Variants in CTNNA2 observed in about 807,000 individuals in gnomAD.
The protein encoded by CTNNA2 is catenin alpha-2.
In CTNNA2, 42 loss-of-function variants were observed where a neutral mutation model predicts 101.0. The observed-to-expected ratio is 0.42, with a 90% confidence interval of 0.32 to 0.54. CTNNA2 has a LOEUF of 0.54. Among genes scored for constraint, CTNNA2 ranks in the 20% least tolerant of loss-of-function variants. The probability of loss-of-function intolerance (pLI) is 0.14; values close to 1 mark genes in which losing one functional copy is unlikely to be tolerated. For synonymous variants in CTNNA2, 450 were observed against 456.4 expected, an observed-to-expected ratio of 0.99 and a Z score of 0.18; for missense variants, 871 against 1,223.1, an observed-to-expected ratio of 0.71 and a Z score of 4.29.
intron 7 of CTNNA2, among the ~76,000 whole-genome samples, chr2:80,118,548 G>A (rs971494447): frequency 6.6e-6 from 1 of 152,120 alleles, no homozygotes; most frequent in Admixed American, 6.5e-5. Flanking sequence ...GGTTTCTTTT[G>A]GTAAAATGCA....
At chr2:80,122,956 T>C (rs963430632) in intron 7 of CTNNA2, among the ~76,000 whole-genome samples, 3 of 152,132 alleles carry the variant, frequency 2.0e-5, no homozygotes, top group Non-Finnish European at 2.9e-5. Flanking sequence ...GCACTACGCC[T>C]ACAAAAACCA....
intron 15 of CTNNA2, among the ~76,000 whole-genome samples, chr2:80,600,667 A>T (rs757777892): frequency 6.6e-6 from 1 of 152,320 alleles, no homozygotes; most frequent in Middle Eastern, 3.4e-3. Context: ...AGAAAAAGTA[A>T]ATACATTTTA....
Position 79,458,780 on chromosome 2 carries a change from T to C in CTNNA2, c.-134-46274T>C, listed in dbSNP as rs150569844. 5.3e-4 allele frequency among the ~76,000 whole-genome samples: 81 copies of C among 152,272 alleles called. 1 individual carries two copies. Among genetic ancestry groups the C allele is most frequent in the African/African-American group, 1.8e-3 (74 of 41,584 alleles). On this transcript the variant is annotated intron_variant, in intron 4 of 21. Transcript: ENST00000466387. ...TCACACCATGCAACAAATATAAAAA[T>C]GTTTAGGCTCTCATCCTGCTGAACC...
chr2:79,974,140 C>A (rs1254449896), intron 7 of CTNNA2, among the ~76,000 whole-genome samples: 2 of 151,958 alleles, frequency 1.3e-5, no homozygotes, highest in African/African-American at 4.8e-5. Flanking sequence ...TGAAAACTTT[C>A]GCAGGTGTAT....
intron 3 of CTNNA2, among the ~76,000 whole-genome samples, chr2:79,769,423 A>C (rs537457024): frequency 6.6e-6 from 1 of 152,120 alleles, no homozygotes; most frequent in East Asian, 1.9e-4. Context: ...TTGAAGTGAA[A>C]CCCTCCATAA....
chr2:80,371,269 A>G (rs557405400), intron 7 of CTNNA2, among the ~76,000 whole-genome samples: 1 of 152,306 alleles, frequency 6.6e-6, no homozygotes, highest in East Asian at 1.9e-4. Context: ...TGGCTGTCAC[A>G]TGATAGGCAC....
intron 1 of CTNNA2, among the ~76,000 whole-genome samples, chr2:79,615,534 A>T (rs1678559879): frequency 1.3e-5 from 2 of 152,218 alleles, no homozygotes; most frequent in Admixed American, 1.3e-4. Flanking sequence ...CTTTTAAATT[A>T]TACATGGTTG....
intron 7 of CTNNA2, among the ~76,000 whole-genome samples, chr2:80,265,833 T>G (rs928585703): frequency 6.6e-6 from 1 of 152,162 alleles, no homozygotes; most frequent in Non-Finnish European, 1.5e-5. Flanking sequence ...ATCTGACCCA[T>G]TCATTACCTG....
intron 7 of CTNNA2, among the ~76,000 whole-genome samples, chr2:80,175,360 G>A (rs952146748): frequency 1.3e-5 from 2 of 152,120 alleles, no homozygotes; most frequent in African/African-American, 4.8e-5. Flanking sequence ...TTTCTAGACT[G>A]TAGGATCTAC....
chr2:80,305,896 C>T (rs1676892092), intron 7 of CTNNA2, among the ~76,000 whole-genome samples: 1 of 152,140 alleles, frequency 6.6e-6, no homozygotes, highest in African/African-American at 2.4e-5. Flanking sequence ...GTCTCCAGCT[C>T]CACTGTTTGA....
chr2:80,223,059 T>C (rs1377961720), intron 7 of CTNNA2, among the ~76,000 whole-genome samples: 2 of 152,184 alleles, frequency 1.3e-5, no homozygotes, highest in African/African-American at 4.8e-5. Context: ...TCTGTTTTTT[T>C]ACATCCTAGG....
intron 3 of CTNNA2, among the ~76,000 whole-genome samples, chr2:79,330,518 G>A (rs907857255): frequency 6.6e-6 from 1 of 152,068 alleles, no homozygotes; most frequent in Non-Finnish European, 1.5e-5. Flanking sequence ...CCTTCAAAGA[G>A]GTAACAAGAA....
intron 4 of CTNNA2, among the ~76,000 whole-genome samples, chr2:79,858,435 T>G (rs1057264896): frequency 6.6e-6 from 1 of 152,208 alleles, no homozygotes; most frequent in Non-Finnish European, 1.5e-5. Flanking sequence ...CCTTACTTCC[T>G]GGAATGTGTA....
intron 7 of CTNNA2, among the ~76,000 whole-genome samples, chr2:80,165,120 T>G (rs2148952383): frequency 6.6e-6 from 1 of 152,094 alleles, no homozygotes; most frequent in Non-Finnish European, 1.5e-5. Context: ...CTTATTCCTT[T>G]GACTACTTTT....
chr2:80,277,817 G>A (rs568786420), intron 7 of CTNNA2, among the ~76,000 whole-genome samples: 116 of 152,106 alleles, frequency 7.6e-4, no homozygotes, highest in Non-Finnish European at 1.3e-3. Flanking sequence ...CATCAACCAC[G>A]TCAACCTTCT....
chr2:79,430,256 G>GC (rs1678645666), intron 4 of CTNNA2, among the ~76,000 whole-genome samples: 2 of 152,196 alleles, frequency 1.3e-5, no homozygotes, highest in Admixed American at 1.3e-4. Context: ...TGCTTCAAAG[G>GC]CCCGAGGGAC....
intron 9 of CTNNA2, among the ~76,000 whole-genome samples, chr2:80,494,909 G>C (rs1458090905): frequency 6.6e-6 from 1 of 152,164 alleles, no homozygotes; most frequent in Non-Finnish European, 1.5e-5. Flanking sequence ...GTCAGAATCA[G>C]ATATGGCGTA....
At chr2:79,612,362 T>G (rs958269968) in intron 1 of CTNNA2, among the ~76,000 whole-genome samples, 2 of 152,200 alleles carry the variant, frequency 1.3e-5, no homozygotes, top group African/African-American at 4.8e-5. Context: ...CAACAGTTTC[T>G]AAATCAAAAT....
chr2:80,329,874 C>T (rs1244462534), intron 7 of CTNNA2, among the ~76,000 whole-genome samples: 3 of 152,194 alleles, frequency 2.0e-5, no homozygotes, highest in Non-Finnish European at 2.9e-5. Context: ...ACTCTGGAAA[C>T]CCAGGGAAAC....
Sources: allele counts gnomAD v4.1 joint callset (sites outside exome capture counted in the v4.1 genomes callset), GRCh38; gene constraint gnomAD v4.1.1; transcripts MANE v1.5; gene names NCBI Gene and HGNC (gene_info 2026-07-23, HGNC 2026-07-21).